Variants in HIVEP3 observed in about 807,000 individuals in gnomAD.
The protein encoded by HIVEP3 is transcription factor HIVEP3.
A neutral mutation model predicts 152.8 loss-of-function variants in HIVEP3; 49 were observed. The ratio of observed to expected loss-of-function variants is 0.32; its 90% confidence interval spans 0.26 to 0.41. The LOEUF is 0.41. HIVEP3 is among the 10% of genes least tolerant of loss of function. The pLI is 1.00. For synonymous variants in HIVEP3, 1,269 were observed against 1,289.0 expected, an observed-to-expected ratio of 0.98 and a Z score of 0.33; for missense variants, 2,790 against 3,103.3, an observed-to-expected ratio of 0.90 and a Z score of 2.40.
chr1:41,524,877 T>C lies in HIVEP3; in HGVS notation c.5241A>G (p.Arg1747=). 6.2e-7 allele frequency: 1 copy of C among 1,614,072 alleles called. No individual in the cohort carries two copies. The highest frequency in any genetic ancestry group is 2.2e-5 in the East Asian group (1 of 44,888). ...YKSNEEYVYV[R]GRGRGKYVCE... is the part of the protein sequence containing the mutation. The stretch of plus-strand genomic sequence containing the variant: ...AAACATATTTCCCTCGGCCGCGGCC[T>C]CGCACATATACATACTCTTCGTTTG... The change falls in exon 6 of 9, where the codon CGA becomes CGG. Residue 1747 remains arginine (R), a synonymous_variant. Coordinates refer to ENST00000372583, the MANE Select transcript of HIVEP3 (RefSeq NM_024503.5).
chr1:41,901,488 G>A (rs1280328996), intron 1 of HIVEP3, among the ~76,000 whole-genome samples: 2 of 152,084 alleles, frequency 1.3e-5, no homozygotes, highest in Non-Finnish European at 2.9e-5. Context: ...CAATAGCCAA[G>A]CAGAGGGGTG....
intron 1 of HIVEP3, among the ~76,000 whole-genome samples, chr1:41,857,385 C>G (rs557142159): frequency 6.6e-6 from 1 of 152,078 alleles, no homozygotes; most frequent in Non-Finnish European, 1.5e-5. Context: ...GATGGTATCA[C>G]CAGTAAAATA....
intron 1 of HIVEP3, among the ~76,000 whole-genome samples, chr1:42,002,741 G>T (rs1284777011): frequency 6.6e-6 from 1 of 152,162 alleles, no homozygotes; most frequent in Admixed American, 6.5e-5. Flanking sequence ...GTACAAGTCA[G>T]TAGCCCAAAA....
chr1:41,633,306 G>T lies in HIVEP3; in HGVS notation c.-720-4359C>A, dbSNP rs1437971279. Among the ~76,000 whole-genome samples, 53 of 152,190 alleles carry T rather than the reference G, an allele frequency of 3.5e-4. 1 individual carries two copies. Among genetic ancestry groups the T allele is most frequent in the Admixed American group, 3.5e-3 (53 of 15,276 alleles). Reference sequence around the variant, plus strand: ...CGAGGGAAAACAGACGAGAGGGAGTGACAGGAAATCTAATCAGAGCGAAGC... The same window carrying T: ...CGAGGGAAAACAGACGAGAGGGAGTTACAGGAAATCTAATCAGAGCGAAGC... On this transcript the variant is annotated intron_variant, in intron 2 of 8. Coordinates refer to ENST00000372583, the MANE Select transcript of HIVEP3 (RefSeq NM_024503.5).
intron 1 of HIVEP3, among the ~76,000 whole-genome samples, chr1:41,858,383 C>T (rs1643827976): frequency 6.6e-6 from 1 of 152,188 alleles, no homozygotes; most frequent in Non-Finnish European, 1.5e-5. Flanking sequence ...CCCTGTCATT[C>T]ACAAAAATGG....
intron 3 of HIVEP3, among the ~76,000 whole-genome samples, chr1:41,628,495 T>A (rs1645148975): frequency 6.6e-6 from 1 of 152,076 alleles, no homozygotes; most frequent in East Asian, 1.9e-4. Flanking sequence ...ACTGAGGTAC[T>A]GGGAGGGGGC....
At chr1:41,528,863 C>T (rs569341473) in intron 5 of HIVEP3, among the ~76,000 whole-genome samples, 2 of 139,820 alleles carry the variant, frequency 1.4e-5, no homozygotes, top group East Asian at 2.2e-4. Flanking sequence ...CTCACCTTCA[C>T]ACACTCCACA....
intron 1 of HIVEP3, among the ~76,000 whole-genome samples, chr1:41,914,434 T>C (rs1644840718): frequency 6.6e-6 from 1 of 152,256 alleles, no homozygotes; most frequent in South Asian, 2.1e-4. Context: ...AATGAATGTA[T>C]GTACATCTAG....
chr1:41,678,849 C>G (rs1039598319), intron 2 of HIVEP3, among the ~76,000 whole-genome samples: 2 of 152,226 alleles, frequency 1.3e-5, no homozygotes, highest in African/African-American at 4.8e-5. Flanking sequence ...GAGGTGGGAG[C>G]CTTAAGCACA....
chr1:41,532,953 GC>G (rs930572501), intron 5 of HIVEP3, among the ~76,000 whole-genome samples: 11 of 152,250 alleles, frequency 7.2e-5, no homozygotes, highest in African/African-American at 1.9e-4. Context: ...CCCAAACCCT[GC>G]CCTCAAAAAG....
At chr1:41,912,131 A>G (rs1245375771) in intron 1 of HIVEP3, among the ~76,000 whole-genome samples, 1 of 152,194 alleles carries the variant, frequency 6.6e-6, no homozygotes, top group East Asian at 1.9e-4. Context: ...CAATAAAGAA[A>G]AGCATAGGGG....
Position 41,582,413 on chromosome 1 carries a change from T to C in HIVEP3, c.2385A>G (p.Lys795=), listed in dbSNP as rs779426553. 9 of 1,614,224 alleles carry C rather than the reference T, an allele frequency of 5.6e-6. No homozygotes were observed. The South Asian group carries it at 9.9e-5, about 18-fold the overall frequency. The change falls in exon 4 of 9, where the codon AAA becomes AAG. Residue 795 remains lysine (K), a synonymous_variant. Transcript: ENST00000372583. This position sits in a 1 kb window ranked among gnomAD's most constrained non-coding sequence, Gnocchi z 4.7. The stretch of plus-strand genomic sequence containing the variant: ...TGGTGTGCTGGATGACAGAAATTTC[T>C]TTGGACGTTGTTCTCCTCTCCTTCC... The part of the protein sequence containing the change: ...ESGKERRTTS[K]EISVIQHTSS...
At chr1:41,591,606 A>G (rs1312706987) in intron 3 of HIVEP3, among the ~76,000 whole-genome samples, 1 of 151,522 alleles carries the variant, frequency 6.6e-6, no homozygotes, top group African/African-American at 2.4e-5. Flanking sequence ...CATCTTCCTG[A>G]CTCCATGGAA....
chr1:41,548,306 G>T (rs1234905585), intron 5 of HIVEP3, among the ~76,000 whole-genome samples: 2 of 152,144 alleles, frequency 1.3e-5, no homozygotes, highest in African/African-American at 4.8e-5. Flanking sequence ...GATGAGAAAG[G>T]GATTCACAGG....
At chr1:42,016,891 G>A (rs995633364) in intron 1 of HIVEP3, among the ~76,000 whole-genome samples, 1 of 151,976 alleles carries the variant, frequency 6.6e-6, no homozygotes, top group African/African-American at 2.4e-5. Flanking sequence ...TATTTATGTA[G>A]GCAAATATTT....
chr1:41,524,717 C>T lies in HIVEP3; in HGVS notation c.5383+18G>A. On this transcript the variant is annotated intron_variant, in intron 6 of 8. Transcript: ENST00000372583. ...CCTGCAGCGGGCAGGGGCAGTGCCC[C>T]AGCTGACTCTCTCTTACCTTTGGTT... The T allele has an allele frequency of 6.2e-7, 1 of 1,612,090 alleles. No individual in the cohort carries two copies.
At chr1:41,554,305 C>T (rs1242093847) in intron 5 of HIVEP3, among the ~76,000 whole-genome samples, 2 of 152,146 alleles carry the variant, frequency 1.3e-5, no homozygotes, top group Non-Finnish European at 2.9e-5. Context: ...GCATGCGTCA[C>T]GTAGTTCTTG....
At chr1:41,785,995 T>A (rs1327044011) in intron 1 of HIVEP3, among the ~76,000 whole-genome samples, 1 of 151,844 alleles carries the variant, frequency 6.6e-6, no homozygotes, top group African/African-American at 2.4e-5. Context: ...TGAAACTCTG[T>A]CTCAAAAAAA....
intron 5 of HIVEP3, among the ~76,000 whole-genome samples, chr1:41,563,819 A>C (rs2149091216): frequency 6.6e-6 from 1 of 152,340 alleles, no homozygotes; most frequent in Middle Eastern, 3.4e-3. Context: ...AATAACAACT[A>C]ACGTTAATAG....
Sources: allele counts gnomAD v4.1 joint callset (sites outside exome capture counted in the v4.1 genomes callset), GRCh38; gene constraint gnomAD v4.1.1; non-coding constraint Gnocchi (gnomAD v3.1); transcripts MANE v1.5; gene names NCBI Gene and HGNC (gene_info 2026-07-23, HGNC 2026-07-21).